DNER: variants seen among roughly 807,000 people sequenced by gnomAD.
The protein encoded by DNER is delta and Notch-like epidermal growth factor-related receptor.
Under a neutral mutation model 78.2 loss-of-function variants are expected in DNER, and 33 were observed. The observed-to-expected ratio is 0.42, with a 90% confidence interval of 0.32 to 0.56. The LOEUF (loss-of-function observed/expected upper bound fraction) is 0.56, where lower values mean the gene tolerates loss of function less well. Among genes scored for constraint, DNER ranks in the 20% least tolerant of loss-of-function variants. The pLI is 0.11. For missense variants in DNER, 918 were observed against 975.3 expected, an observed-to-expected ratio of 0.94 and a Z score of 0.78; for synonymous variants, 417 against 384.8, an observed-to-expected ratio of 1.08 and a Z score of -0.98.
At chr2:229,387,806 A>G (rs1559338059) in intron 11 of DNER, among the ~76,000 whole-genome samples, 1 of 152,144 alleles carries the variant, frequency 6.6e-6, no homozygotes, top group Admixed American at 6.5e-5. Flanking sequence ...AGGCAATAGA[A>G]GGAACTTAAT....
intron 7 of DNER, among the ~76,000 whole-genome samples, chr2:229,448,049 T>C (rs548800523): frequency 2.0e-4 from 31 of 152,296 alleles, no homozygotes; most frequent in Admixed American, 1.1e-3. Flanking sequence ...TTTTTCATCC[T>C]TGTCCCTTTG....
intron 7 of DNER, among the ~76,000 whole-genome samples, chr2:229,454,542 ATACT>A (rs538141053): frequency 9.3e-4 from 142 of 152,256 alleles, no homozygotes; most frequent in African/African-American, 3.4e-3. Context: ...AATGGAACTA[ATACT>A]TAATATTTTC....
chr2:229,571,717 T>A (rs1315676360), intron 4 of DNER, among the ~76,000 whole-genome samples: 1 of 152,132 alleles, frequency 6.6e-6, no homozygotes, highest in Non-Finnish European at 1.5e-5. Context: ...ACTTGGTATA[T>A]TCCCATTGAT....
intron 7 of DNER, among the ~76,000 whole-genome samples, chr2:229,462,933 T>G (rs1694732929): frequency 6.6e-6 from 1 of 152,132 alleles, no homozygotes; most frequent in South Asian, 2.1e-4. Context: ...CAGAGTTGAC[T>G]CCTCCTTATG....
intron 1 of DNER, among the ~76,000 whole-genome samples, chr2:229,637,706 C>T (rs1698552160): frequency 6.6e-6 from 1 of 152,160 alleles, no homozygotes; most frequent in African/African-American, 2.4e-5. Flanking sequence ...TAGAAATTGG[C>T]AAAGACTACA....
intron 1 of DNER, among the ~76,000 whole-genome samples, chr2:229,628,350 CT>C (rs1698380173): frequency 6.6e-6 from 1 of 152,144 alleles, no homozygotes; most frequent in African/African-American, 2.4e-5. Context: ...CAACAGAGCC[CT>C]TTCCGAATGT....
At position 229,358,087 on chromosome 2, in the gene DNER, C is replaced by A. The variant is rs1692128197; in HGVS notation, c.*453G>T. 1 of 152,932 alleles carries A rather than the reference C, an allele frequency of 6.5e-6. No individual in the cohort carries two copies. Among genetic ancestry groups the A allele is most frequent in the African/African-American group, 2.4e-5 (1 of 41,458 alleles). 9.5% of individuals were successfully genotyped at this position (152,932 alleles called of 1,614,324 possible). ...TAGGAATAGTAAATTTAACTAGTTT[C>A]TTTTCCACAAAACGAACATTTCAGA... is the stretch of plus-strand genomic sequence containing the variant. On this transcript the variant is annotated 3_prime_UTR_variant, in exon 13 of 13. Transcript: ENST00000341772.
intron 8 of DNER, among the ~76,000 whole-genome samples, chr2:229,436,055 C>A (rs1047473700): frequency 2.0e-5 from 3 of 152,062 alleles, no homozygotes; most frequent in Non-Finnish European, 4.4e-5. Context: ...TTTTCTCACC[C>A]AGGTAATAAG....
At chr2:229,585,318 G>A (rs1485757030) in intron 4 of DNER, among the ~76,000 whole-genome samples, 1 of 152,206 alleles carries the variant, frequency 6.6e-6, no homozygotes, top group East Asian at 1.9e-4. Flanking sequence ...CTGGAACACA[G>A]TCGCTGGATT....
intron 1 of DNER, among the ~76,000 whole-genome samples, chr2:229,592,713 T>C (rs976242559): frequency 6.6e-6 from 1 of 152,180 alleles, no homozygotes; most frequent in Non-Finnish European, 1.5e-5. Context: ...AAAAATCACC[T>C]GCTCCTCTTC....
rs185801217 is a variant in DNER, at chr2:229,403,773, G to C, written c.1723+3459C>G. Among the ~76,000 whole-genome samples the C allele has an allele frequency of 8.5e-5, 13 of 152,070 alleles. No homozygotes were observed. In the East Asian group the frequency reaches 1.9e-3, roughly 23 times the overall value. On this transcript the variant is annotated intron_variant, in intron 10 of 12. Coordinates refer to ENST00000341772, the MANE Select transcript of DNER (RefSeq NM_139072.4). The stretch of plus-strand genomic sequence containing the variant: ...GTGTAGGGGTAAAGGGATGAGCAGA[G>C]GGGGGCTGAGAGGCAAGAGATGGAG...
At chr2:229,472,680 T>G (rs1247318599) in intron 7 of DNER, among the ~76,000 whole-genome samples, 1 of 152,208 alleles carries the variant, frequency 6.6e-6, no homozygotes, top group East Asian at 1.9e-4. Context: ...AATAAATTAT[T>G]AAGCAATAAT....
At chr2:229,400,986 G>A (rs1693255083) in intron 10 of DNER, among the ~76,000 whole-genome samples, 1 of 152,074 alleles carries the variant, frequency 6.6e-6, no homozygotes, top group South Asian at 2.1e-4. Context: ...TAGCCTTGAT[G>A]TGATGTGATA....
At chr2:229,650,812 C>T (rs1307613353) in intron 1 of DNER, among the ~76,000 whole-genome samples, 3 of 152,314 alleles carry the variant, frequency 2.0e-5, no homozygotes, top group East Asian at 3.9e-4. Flanking sequence ...ATCTCTTCCT[C>T]TCCAGGGGCC....
intron 9 of DNER, among the ~76,000 whole-genome samples, chr2:229,409,561 G>A (rs1693461165): frequency 6.6e-6 from 1 of 152,160 alleles, no homozygotes; most frequent in African/African-American, 2.4e-5. Context: ...AACAAAATAA[G>A]ACTTGATGAA....
At chr2:229,490,473 C>T (rs572331486) in intron 6 of DNER, among the ~76,000 whole-genome samples, 2 of 152,194 alleles carry the variant, frequency 1.3e-5, no homozygotes, top group African/African-American at 4.8e-5. Flanking sequence ...AAGACACCAG[C>T]CACAAAACTA....
At chr2:229,555,893 G>A (rs1376851740) in intron 4 of DNER, among the ~76,000 whole-genome samples, 4 of 151,954 alleles carry the variant, frequency 2.6e-5, no homozygotes, top group African/African-American at 7.3e-5. Flanking sequence ...ACACTTTTAC[G>A]CATAAAATAA....
At chr2:229,610,981 A>G (rs568035636) in intron 1 of DNER, among the ~76,000 whole-genome samples, 199 of 152,366 alleles carry the variant, frequency 1.3e-3, no homozygotes, top group African/African-American at 4.6e-3. Context: ...GAAGTAGTTC[A>G]TTGTTTCAAC....
At chr2:229,658,701 A>C (rs1698953904) in intron 1 of DNER, among the ~76,000 whole-genome samples, 1 of 152,164 alleles carries the variant, frequency 6.6e-6, no homozygotes, top group African/African-American at 2.4e-5. Context: ...CTGAATGACA[A>C]CCAATTCAAA....
Sources: gnomAD v4.1 joint callset for allele counts (sites outside exome capture counted in the v4.1 genomes callset) on GRCh38, gnomAD v4.1.1 for gene constraint, MANE v1.5 for transcripts, NCBI Gene and HGNC (gene_info 2026-07-23, HGNC 2026-07-21) for gene names.